FBXO31: variants seen among roughly 807,000 people sequenced by gnomAD.
FBXO31 encodes the protein F-box protein 31.
Under a neutral mutation model 54.4 loss-of-function variants are expected in FBXO31, and 24 were observed. The observed-to-expected ratio is 0.44, with a 90% confidence interval of 0.32 to 0.62. The LOEUF (loss-of-function observed/expected upper bound fraction) is 0.62. Among genes scored for constraint, FBXO31 ranks in the 20% least tolerant of loss-of-function variants. The probability of loss-of-function intolerance (pLI) is 0.05; values close to 1 mark genes in which losing one functional copy is unlikely to be tolerated. For missense variants in FBXO31, 665 were observed against 787.1 expected, an observed-to-expected ratio of 0.84 and a Z score of 1.86; for synonymous variants, 388 against 335.6, an observed-to-expected ratio of 1.16 and a Z score of -1.71.
rs770449346 is a variant in FBXO31 at position 87,360,302 on chromosome 16, A to T, written c.405T>A (p.Tyr135Ter). The T allele has an allele frequency of 6.2e-7, 1 of 1,614,202 alleles. No individual in the cohort carries two copies. The highest frequency in any genetic ancestry group is 1.1e-5 in the South Asian group (1 of 91,088). The stretch of plus-strand genomic sequence containing the variant: ...ACAAATAGATTCACTCACGCTTCGC[A>T]TAGACGTCCCGACAAGACACGCCTG... ...EITGVSCRDV[Y>*]AKLLHRYRHI... Residue 135 changes from tyrosine to a stop codon, truncating the protein, a stop_gained, in exon 2 of 9, where the codon TAT becomes TAA. Coordinates refer to ENST00000311635, the MANE Select transcript of FBXO31 (RefSeq NM_024735.5). LOFTEE classifies it high-confidence loss of function.
In FBXO31 at chr16:87,334,010, C is replaced by A. The variant is rs767536444; in HGVS notation, c.1273G>T (p.Gly425Cys). The change falls in exon 8 of 9, where the codon GGC (glycine) becomes TGC (cysteine). Residue 425 changes from glycine to cysteine, a missense_variant. Coordinates refer to ENST00000311635, the MANE Select transcript of FBXO31 (RefSeq NM_024735.5). ...GCAGCTACGGCATCCCCAGGCTCGC[C>A]ACCATCCTCACCAGGTGTCCCATCT... Reference protein sequence around the residue: ...GPDGTPGEDGGEPGDAVAAAE... With the variant: ...GPDGTPGEDGCEPGDAVAAAE... The A allele has an allele frequency of 3.2e-5, 52 of 1,612,700 alleles. No individual in the cohort carries two copies. The highest frequency in any genetic ancestry group is 1.6e-4 in the Middle Eastern group (1 of 6,084).
chr16:87,356,626 C>T (rs1475258582), intron 2 of FBXO31, among the ~76,000 whole-genome samples: 1 of 152,234 alleles, frequency 6.6e-6, no homozygotes, highest in Non-Finnish European at 1.5e-5. Flanking sequence ...GCACCAACTA[C>T]ACGAAGGTCC....
chr16:87,387,508 T>G (rs1468252847), upstream of FBXO31, among the ~76,000 whole-genome samples: 1 of 152,136 alleles, frequency 6.6e-6, no homozygotes, highest in Non-Finnish European at 1.5e-5. Context: ...TTTCTTGGAC[T>G]GAGGAAAACC....
At chr16:87,359,690 G>A (rs1046919840) in intron 2 of FBXO31, among the ~76,000 whole-genome samples, 12 of 152,316 alleles carry the variant, frequency 7.9e-5, no homozygotes, top group African/African-American at 1.7e-4. Flanking sequence ...CAAGAGCTTC[G>A]TCCAGTGAGC....
chr16:87,381,378 TA>T (rs1463277908), intron 1 of FBXO31, among the ~76,000 whole-genome samples: 1 of 152,100 alleles, frequency 6.6e-6, no homozygotes, highest in Non-Finnish European at 1.5e-5. Context: ...AGCTACCATT[TA>T]GGGGAGAGGG....
At chr16:87,382,778 G>A (rs1333676177) in intron 1 of FBXO31, among the ~76,000 whole-genome samples, 1 of 152,202 alleles carries the variant, frequency 6.6e-6, no homozygotes, top group African/African-American at 2.4e-5. Flanking sequence ...GATTACAGGC[G>A]CCCGCTACCA....
chr16:87,329,450 T>C lies in FBXO31; in HGVS notation c.*1838A>G, dbSNP rs1353747396. The C allele has an allele frequency of 6.6e-6, 1 of 152,280 alleles. No homozygotes were observed. Among genetic ancestry groups the C allele is most frequent in the East Asian group, 1.9e-4 (1 of 5,202 alleles). 9.4% of individuals were successfully genotyped at this position (152,280 alleles called of 1,614,324 possible). On this transcript the variant is annotated 3_prime_UTR_variant, in exon 9 of 9. Transcript: ENST00000311635. ...CTTAGAGCGAGGCTCGGGCTCTTGGTAAAAAAGCATTTGCTTGATTTTATT... is the reference window on the plus strand; with the variant it reads ...CTTAGAGCGAGGCTCGGGCTCTTGGCAAAAAAGCATTTGCTTGATTTTATT...
At chr16:87,357,450 C>T (rs982180682) in intron 2 of FBXO31, among the ~76,000 whole-genome samples, 10 of 151,726 alleles carry the variant, frequency 6.6e-5, no homozygotes, top group Middle Eastern at 3.4e-3. Flanking sequence ...CCACCTCAGC[C>T]TCTGGGTACC....
rs1293621306 is a variant in FBXO31, at chr16:87,345,003, A to G, written c.490-1238T>C. 6.6e-6 allele frequency among the ~76,000 whole-genome samples: 1 copy of G among 151,046 alleles called. No individual in the cohort carries two copies. Among genetic ancestry groups the G allele is most frequent in the Non-Finnish European group, 1.5e-5 (1 of 67,732 alleles). On this transcript the variant is annotated intron_variant, in intron 3 of 8. Coordinates refer to ENST00000311635, the MANE Select transcript of FBXO31 (RefSeq NM_024735.5). This position sits in a 1 kb window ranked among gnomAD's most constrained non-coding sequence, Gnocchi z 4.9. Reference sequence around the variant, plus strand: ...TGCCCCGAACCCCACCTGGGGGCAGAGCCCATCCCTGCCCCGAACCCCACC... The same window carrying G: ...TGCCCCGAACCCCACCTGGGGGCAGGGCCCATCCCTGCCCCGAACCCCACC...
At chr16:87,374,478 G>T (rs1906738332) in intron 1 of FBXO31, among the ~76,000 whole-genome samples, 1 of 152,200 alleles carries the variant, frequency 6.6e-6, no homozygotes, top group African/African-American at 2.4e-5. Flanking sequence ...GGCTGCATGG[G>T]CACGCGCAGC....
At chr16:87,340,069 G>C (rs72804098) in intron 5 of FBXO31, among the ~76,000 whole-genome samples, 42,089 of 152,230 alleles carry the variant, frequency 0.28, 6,997 homozygotes, top group Non-Finnish European at 0.39. Flanking sequence ...GATCACCTGA[G>C]GTCAGGAGTT....
At position 87,330,442 on chromosome 16, in the gene FBXO31, G is replaced by A. The variant is rs1904809886; in HGVS notation, c.*846C>T. ...TTCTGGAGACAGTGGCCGGCAGCTT[G>A]GTTTTGACGCCGTGTGCGTGCAGGG... is the stretch of plus-strand genomic sequence containing the variant. On this transcript the variant is annotated 3_prime_UTR_variant, in exon 9 of 9. Transcript: ENST00000311635. 1 of 152,416 alleles carries A rather than the reference G, an allele frequency of 6.6e-6. No individual in the cohort carries two copies. The highest frequency in any genetic ancestry group is 1.5e-5 in the Non-Finnish European group (1 of 68,172). 9.4% of individuals were successfully genotyped at this position (152,416 alleles called of 1,614,324 possible).
In FBXO31 at chr16:87,334,069, G is replaced by A; in HGVS notation, c.1214C>T (p.Ala405Val). 6.2e-7 allele frequency: 1 copy of A among 1,611,074 alleles called. No homozygotes were observed. The highest frequency in any genetic ancestry group is 8.5e-7 in the Non-Finnish European group (1 of 1,178,820). ...GCTGGGCGCCTCTGCCCTGGGCTGG[G>A]CAGGGCTTGGCTGGGACTCCCGGGG... ...QGPRESQPSP[A>V]QPRAEAPSKG... The change falls in exon 8 of 9, where the codon GCC becomes GTC. Residue 405 changes from alanine (A) to valine (V), a missense_variant. By Grantham distance (64) the Ala-to-Val change is moderately conservative. Around this residue, in one of 4 missense-constraint regions of FBXO31, gnomAD observed 165 missense variants for 159.7 expected, o/e 1.03. Coordinates refer to ENST00000311635, the MANE Select transcript of FBXO31 (RefSeq NM_024735.5).
intron 2 of FBXO31, among the ~76,000 whole-genome samples, chr16:87,353,277 C>T (rs191501746): frequency 2.0e-5 from 3 of 152,294 alleles, no homozygotes; most frequent in Non-Finnish European, 2.9e-5. Flanking sequence ...TGTGATGACA[C>T]AAGGCCTGCC....
chr16:87,359,871 AAGG>A (rs1240764275), intron 2 of FBXO31, among the ~76,000 whole-genome samples: 1 of 152,184 alleles, frequency 6.6e-6, no homozygotes, highest in Non-Finnish European at 1.5e-5. Flanking sequence ...TGCTAAAGGG[AAGG>A]AGAACTCTAG....
Position 87,338,355 on chromosome 16 carries a change from G to A in FBXO31, c.733-2091C>T, listed in dbSNP as rs1160351792. On this transcript the variant is annotated intron_variant, in intron 5 of 8. Coordinates refer to ENST00000311635, the MANE Select transcript of FBXO31 (RefSeq NM_024735.5). The surrounding 1 kb of genome is among the most constrained non-coding windows in gnomAD (Gnocchi z 4.3). ...CCCTCGTGGCAGCGCCGGCAGAGGG[G>A]GCTGAGGGTGACAAGGATGCCTGCT... 6.6e-6 allele frequency among the ~76,000 whole-genome samples: 1 copy of A among 152,120 alleles called. No homozygotes were observed. The highest frequency in any genetic ancestry group is 2.4e-5 in the African/African-American group (1 of 41,414).
chr16:87,376,754 T>C (rs570180470), intron 1 of FBXO31, among the ~76,000 whole-genome samples: 39 of 152,284 alleles, frequency 2.6e-4, no homozygotes, highest in Middle Eastern at 6.8e-3. Flanking sequence ...GCAAGGACCA[T>C]GCACCTCCCA....
chr16:87,360,235 G>A lies in FBXO31; in HGVS notation c.412+60C>T, dbSNP rs374186770. Reference sequence around the variant, plus strand: ...ATCACTTTGATTATTTGTCATTGATGTGCACTGTCTGCTTCTGGTACAAAG... The same window carrying A: ...ATCACTTTGATTATTTGTCATTGATATGCACTGTCTGCTTCTGGTACAAAG... On this transcript the variant is annotated intron_variant, in intron 2 of 8. Coordinates refer to ENST00000311635, the MANE Select transcript of FBXO31 (RefSeq NM_024735.5). 7 of 1,445,558 alleles carry A rather than the reference G, an allele frequency of 4.8e-6. No homozygotes were observed. The African/African-American group carries it at 9.8e-5, about 20-fold the overall frequency. The allele number at this position is 1,445,558 out of a possible 1,614,324, so 89.5% of individuals were successfully genotyped here. A position where few individuals can be genotyped will look rare whatever the true frequency, so the allele number is the denominator to read the frequency against.
intron 4 of FBXO31, 120 bp from the exon 5 acceptor site, chr16:87,343,071 G>A: frequency 1.3e-6 from 1 of 790,862 alleles, no homozygotes; most frequent in Non-Finnish European, 2.0e-6. Flanking sequence ...CCCCACTGCA[G>A]GCACCCAAGA....
Sources: gnomAD v4.1 joint callset for allele counts (sites outside exome capture counted in the v4.1 genomes callset) on GRCh38, gnomAD v4.1.1 for gene constraint, gnomAD v4.1.1 regional missense constraint, Gnocchi (gnomAD v3.1) non-coding constraint, MANE v1.5 for transcripts, NCBI Gene and HGNC (gene_info 2026-07-23, HGNC 2026-07-21) for gene names.